Variants in RP1 observed in about 807,000 individuals in gnomAD.
RP1 encodes the protein oxygen-regulated protein 1.
A neutral mutation model predicts 14.8 loss-of-function variants in RP1; 16 were observed. The observed-to-expected ratio is 1.08, with a 90% CI of 0.73 to 1.65. The LOEUF is 1.65. Ranked by LOEUF, RP1 falls within the 40% of genes most tolerant of loss-of-function variation. RP1 has a pLI of 0.00. For missense variants in RP1, 2,631 were observed against 2,535.0 expected, an observed-to-expected ratio of 1.04 and a Z score of -0.81; for synonymous variants, 876 against 883.6, an observed-to-expected ratio of 0.99 and a Z score of 0.15.
At position 54,621,466 on chromosome 8, in the gene RP1, G is replaced by A. The variant is rs1188248391; in HGVS notation, c.500G>A (p.Arg167Lys). The change falls in exon 2 of 4, where the codon AGG becomes AAG. Residue 167 changes from arginine to lysine, a missense_variant. Physicochemically the swap from Arg to Lys is conservative, Grantham distance 26. Coordinates refer to ENST00000220676, the MANE Select transcript of RP1 (RefSeq NM_006269.2). The stretch of plus-strand genomic sequence containing the variant: ...TTCAGGAATGGCGACCCGAAGACGA[G>A]GCGTGCGGTTCTTCTGAGCAGGAGG... ...VVFRNGDPKT[R>K]RAVLLSRRVT... 6.2e-7 allele frequency: 1 copy of A among 1,613,930 alleles called. No homozygotes were observed. Among genetic ancestry groups the A allele is most frequent in the Admixed American group, 1.7e-5 (1 of 60,002 alleles).
In RP1 at chr8:54,766,895, G is replaced by A. The variant is rs78517526; in HGVS notation, c.3249-2846G>A. 4.3e-3 allele frequency among the ~76,000 whole-genome samples: 654 copies of A among 152,214 alleles called. 3 individuals carry two copies. The highest frequency in any genetic ancestry group is 0.015 in the African/African-American group (615 of 41,526). ...GTGTTCTTGGTCAAGCAACCTTCTC[G>A]TGCTTGCTTTTTATTCCATTCCTTT... On this transcript the variant is annotated intron_variant, in intron 22 of 22. Coordinates refer to the RP1 transcript ENST00000636932.
At chr8:54,647,057 A>G (rs1806566078) in intron 3 of RP1, among the ~76,000 whole-genome samples, 1 of 152,210 alleles carries the variant, frequency 6.6e-6, no homozygotes, top group East Asian at 1.9e-4. Flanking sequence ...TTGGTAGCCT[A>G]ACATGGCTTT....
At chr8:54,651,744 A>T (rs1168313751) in intron 4 of RP1, among the ~76,000 whole-genome samples, 1 of 151,982 alleles carries the variant, frequency 6.6e-6, no homozygotes, top group Non-Finnish European at 1.5e-5. Flanking sequence ...CCTTTTGTTT[A>T]TCAGTCTATC....
chr8:54,701,235 C>T lies in RP1; in HGVS notation c.1822-251C>T, dbSNP rs554042959. On this transcript the variant is annotated intron_variant, in intron 13 of 22. Coordinates refer to the RP1 transcript ENST00000636932. Reference sequence around the variant, plus strand: ...CATATTAGGATCTTATTAAATTATCCTGCCAATGAAGTTATTTTTCCAACA... The same window carrying T: ...CATATTAGGATCTTATTAAATTATCTTGCCAATGAAGTTATTTTTCCAACA... Among the ~76,000 whole-genome samples, 26 of 152,024 alleles carry T rather than the reference C, an allele frequency of 1.7e-4. No homozygotes were observed. In the South Asian group the frequency reaches 4.8e-3, roughly 28 times the overall value.
At chr8:54,753,278 G>A (rs1014313296) in intron 19 of RP1, among the ~76,000 whole-genome samples, 2 of 152,184 alleles carry the variant, frequency 1.3e-5, no homozygotes, top group Admixed American at 1.3e-4. Flanking sequence ...ATTTCACGTA[G>A]TTATTCATTT....
At chr8:54,783,099 G>A (rs80087467) in intron 23 of RP1, among the ~76,000 whole-genome samples, 5,580 of 152,080 alleles carry the variant, frequency 0.037, 227 homozygotes, top group African/African-American at 0.09. Context: ...TACATCCTTA[G>A]CACTATCTGC....
chr8:54,770,565 T>C (rs1809876603), downstream of RP1, among the ~76,000 whole-genome samples: 4 of 149,840 alleles, frequency 2.7e-5, no homozygotes, highest in African/African-American at 4.9e-5. Flanking sequence ...TTTAGGCAAT[T>C]TGAGATAACG....
rs1262473438 is a variant in RP1, at chr8:54,670,585, A to G, written c.1324-3265A>G. Among the ~76,000 whole-genome samples, 6 of 140,820 alleles carry G rather than the reference A, an allele frequency of 4.3e-5. 1 individual carries two copies. The highest frequency in any genetic ancestry group is 1.3e-4 in the African/African-American group (5 of 38,226). The allele number at this position is 140,820 out of a possible 152,430, so 92.4% of individuals were successfully genotyped here. A position where few individuals can be genotyped will look rare whatever the true frequency, so the allele number is the denominator to read the frequency against. ...TATACATATATATGTATGTATATGT[A>G]TATATATACATATATATGTATGTAT... On this transcript the variant is annotated intron_variant, in intron 7 of 22. Coordinates refer to the RP1 transcript ENST00000636932.
At position 54,627,941 on chromosome 8, in the gene RP1, T is replaced by C; in HGVS notation, c.4059T>C (p.Thr1353=). 1 of 1,614,058 alleles carries C rather than the reference T, an allele frequency of 6.2e-7. No individual in the cohort carries two copies. The stretch of plus-strand genomic sequence containing the variant: ...TAAACTCCAAAGAAAACACATATAC[T>C]GATAACTTGGATTCAACTGAAGAGT... ...DFLNSKENTY[T]DNLDSTEELE... The change falls in exon 4 of 4, where the codon ACT becomes ACC. Residue 1353 remains threonine (T), a synonymous_variant. Transcript: ENST00000220676.
At chr8:54,773,572 G>A (rs1809960785), downstream of RP1, among the ~76,000 whole-genome samples, 1 of 152,100 alleles carries the variant, frequency 6.6e-6, no homozygotes, top group South Asian at 2.1e-4. Flanking sequence ...AGGTGGCGGA[G>A]GTTGCAGTGA....
Position 54,815,770 on chromosome 8 carries a change from T to C in RP1, c.3616-21680T>C, listed in dbSNP as rs562763526. Among the ~76,000 whole-genome samples the C allele has an allele frequency of 3.9e-5, 6 of 152,316 alleles. No individual in the cohort carries two copies. In the East Asian group the frequency reaches 1.2e-3, roughly 29 times the overall value. Reference sequence around the variant, plus strand: ...AGGCCGATATTTTAGATTTTAAAAATAGATGTCTGACTTAGAGTTCTGTTT... The same window carrying C: ...AGGCCGATATTTTAGATTTTAAAAACAGATGTCTGACTTAGAGTTCTGTTT... On this transcript the variant is annotated intron_variant, in intron 24 of 28. Coordinates refer to the RP1 transcript ENST00000637698.
rs547055175 is a variant in RP1, at chr8:54,714,506, A to C, written c.2212-5623A>C. ...CACTAGTAAACTGGCTCAACTAATT[A>C]TGTGTCACCCACCCAGGAACTGAAG... On this transcript the variant is annotated intron_variant, in intron 15 of 22. Coordinates refer to the RP1 transcript ENST00000636932. 1.3e-5 allele frequency among the ~76,000 whole-genome samples: 2 copies of C among 152,232 alleles called. 1 individual carries two copies. The highest frequency in any genetic ancestry group is 4.1e-4 in the South Asian group (2 of 4,826).
chr8:54,650,492 A>G (rs943764093), intron 4 of RP1, among the ~76,000 whole-genome samples: 1 of 152,162 alleles, frequency 6.6e-6, no homozygotes, highest in Admixed American at 6.6e-5. Flanking sequence ...TTAGTGGCAT[A>G]TAGTACATTC....
At chr8:54,623,453 A>G (rs895404112) in intron 3 of RP1, among the ~76,000 whole-genome samples, 6 of 152,074 alleles carry the variant, frequency 3.9e-5, no homozygotes, top group Non-Finnish European at 5.9e-5. Context: ...GCAAATCTAT[A>G]TAGATTTGCT....
intron 24 of RP1, among the ~76,000 whole-genome samples, chr8:54,789,172 C>A (rs998404686): frequency 6.6e-6 from 1 of 152,156 alleles, no homozygotes; most frequent in Non-Finnish European, 1.5e-5. Context: ...CAGAACTTGG[C>A]GATAGCACTG....
intron 19 of RP1, among the ~76,000 whole-genome samples, chr8:54,744,651 A>T (rs2129361176): frequency 6.6e-6 from 1 of 152,280 alleles, no homozygotes; most frequent in African/African-American, 2.4e-5. Flanking sequence ...TGTATAGGTG[A>T]CTACCATCTT....
chr8:54,603,748 C>A (rs1050084068), intron 1 of RP1, among the ~76,000 whole-genome samples: 3 of 152,040 alleles, frequency 2.0e-5, no homozygotes, highest in Admixed American at 6.5e-5. Flanking sequence ...TGAAGAAGTC[C>A]TTCACATCCC....
At chr8:54,606,251 C>A (rs1805438753) in intron 1 of RP1, among the ~76,000 whole-genome samples, 1 of 152,174 alleles carries the variant, frequency 6.6e-6, no homozygotes, top group Admixed American at 6.5e-5. Flanking sequence ...GTGACAAAAT[C>A]TCTCAGCGTT....
At chr8:54,761,762 T>A (rs1054269635) in intron 22 of RP1, among the ~76,000 whole-genome samples, 2 of 152,222 alleles carry the variant, frequency 1.3e-5, no homozygotes, top group Non-Finnish European at 2.9e-5. Context: ...TACCGAGTGC[T>A]CATTCATGTA....
Sources: allele counts gnomAD v4.1 joint callset (sites outside exome capture counted in the v4.1 genomes callset), GRCh38; gene constraint gnomAD v4.1.1; transcripts MANE v1.5; gene names NCBI Gene and HGNC (gene_info 2026-07-23, HGNC 2026-07-21).